NTRK1: variants seen among roughly 807,000 people sequenced by gnomAD.
The protein encoded by NTRK1 is high affinity nerve growth factor receptor.
Under a neutral mutation model 86.8 loss-of-function variants are expected in NTRK1, and 62 were observed. That is an observed-to-expected ratio of 0.71 (90% CI 0.58 to 0.88). The LOEUF (loss-of-function observed/expected upper bound fraction) is 0.88, where lower values mean the gene tolerates loss of function less well. Among genes scored for constraint, NTRK1 ranks in the 40% least tolerant of loss-of-function variants. NTRK1 has a pLI of 0.00. For synonymous variants in NTRK1, 469 were observed against 456.6 expected, an observed-to-expected ratio of 1.03 and a Z score of -0.35; for missense variants, 967 against 1,078.4, an observed-to-expected ratio of 0.90 and a Z score of 1.45.
chr1:156,871,497 C>T, intron 6 of NTRK1, 126 bp from the exon 7 acceptor site: 1 of 1,015,478 alleles, frequency 9.8e-7, no homozygotes. Flanking sequence ...CCCCTCTCTC[C>T]CTTCTCTTCC....
In NTRK1 at chr1:156,874,912, G is replaced by T. The variant is rs1647803991; in HGVS notation, c.1258G>T (p.Val420Leu). 6.2e-7 allele frequency: 1 copy of T among 1,612,934 alleles called. No homozygotes were observed. Among genetic ancestry groups the T allele is most frequent in the Non-Finnish European group, 8.5e-7 (1 of 1,179,184 alleles). ...TACCCCTGTCCCCCACCAGGTCTCGGTGGCTGTGGGCCTGGCCGTCTTTGC... is the reference window on the plus strand; with the variant it reads ...TACCCCTGTCCCCCACCAGGTCTCGTTGGCTGTGGGCCTGGCCGTCTTTGC... ...KKDETPFGVS[V>L]AVGLAVFACL... Residue 420 changes from valine to leucine, a missense_variant, in exon 11 of 17, where the codon GTG becomes TTG. Val to Leu is a conservative substitution (Grantham distance 32). Around this residue, in one of 2 missense-constraint regions of NTRK1, gnomAD observed 637 missense variants for 776.5 expected, o/e 0.82. Coordinates refer to ENST00000524377, the MANE Select transcript of NTRK1 (RefSeq NM_002529.4).
chr1:156,848,897 T>C, intron 2 of NTRK1: 1 of 1,541,732 alleles, frequency 6.5e-7, no homozygotes, highest in Non-Finnish European at 8.8e-7. Context: ...CCGCCCCCGC[T>C]CCGGCCCCGC....
chr1:156,852,141 G>A, intron 2 of NTRK1: 1 of 1,612,560 alleles, frequency 6.2e-7, no homozygotes, highest in Non-Finnish European at 8.5e-7. Flanking sequence ...CATTCGGTGT[G>A]GCAGCACTCG....
At chr1:156,851,782 G>C (rs1558090127) in intron 2 of NTRK1, 21 of 1,608,826 alleles carry the variant, frequency 1.3e-5, no homozygotes, top group Non-Finnish European at 1.8e-5. Flanking sequence ...ACTTGTGGCA[G>C]AATATGCTAG....
chr1:156,874,846 C>A (rs1362939553), intron 10 of NTRK1, 60 bp from the exon 11 acceptor site: 4 of 1,347,142 alleles, frequency 3.0e-6, no homozygotes, highest in Non-Finnish European at 3.2e-6. Flanking sequence ...TGGCTTACTA[C>A]AGGAGGCTCT....
At chr1:156,831,761 G>C in intron 1 of NTRK1, among the ~76,000 whole-genome samples, 1 of 152,196 alleles carries the variant, frequency 6.6e-6, no homozygotes, top group African/African-American at 2.4e-5. Flanking sequence ...GTGAGGGTTA[G>C]GGCAGAAAGA....
intron 2 of NTRK1, chr1:156,844,658 C>G: frequency 6.2e-7 from 1 of 1,613,760 alleles, no homozygotes; most frequent in Non-Finnish European, 8.5e-7. Context: ...GCTGGGAAGG[C>G]GATGTAGGCA....
At chr1:156,846,472 C>G (rs754880068) in intron 2 of NTRK1, 1 of 1,473,350 alleles carries the variant, frequency 6.8e-7, no homozygotes, top group South Asian at 1.2e-5. Context: ...CCCCTGTTCT[C>G]ATGGATGCAG....
At chr1:156,844,953 T>C (rs924773369) in intron 2 of NTRK1, 6 of 1,558,872 alleles carry the variant, frequency 3.8e-6, no homozygotes, top group Non-Finnish European at 5.2e-6. Flanking sequence ...TTTGGGATTA[T>C]GGGAACTGAG....
In NTRK1 at chr1:156,874,892, C is replaced by T. The variant is rs1379388973; in HGVS notation, c.1252-14C>T. 35 of 1,594,004 alleles carry T rather than the reference C, an allele frequency of 2.2e-5. No individual in the cohort carries two copies. Among genetic ancestry groups the T allele is most frequent in the Non-Finnish European group, 2.9e-5 (34 of 1,162,170 alleles). ...GAGGAGCCCCTGGATCTAACTACCC[C>T]TGTCCCCCACCAGGTCTCGGTGGCT... On this transcript the variant is annotated splice_polypyrimidine_tract_variant and intron_variant, in intron 10 of 16. Coordinates refer to ENST00000524377, the MANE Select transcript of NTRK1 (RefSeq NM_002529.4).
intron 6 of NTRK1, among the ~76,000 whole-genome samples, chr1:156,869,036 C>A (rs1470070447): frequency 7.8e-6 from 1 of 127,594 alleles, no homozygotes; most frequent in African/African-American, 2.9e-5. Context: ...TCCTTCCTTC[C>A]TTCCTTCCTT....
At chr1:156,875,782 C>G in intron 12 of NTRK1, 116 bp downstream of exon 12, 2 of 1,436,384 alleles carry the variant, frequency 1.4e-6, no homozygotes, top group Non-Finnish European at 1.9e-6. Context: ...CCCACCCCTC[C>G]CCAGCCCTAT....
intron 13 of NTRK1, 90 bp from the exon 14 acceptor site, chr1:156,876,310 G>T (rs2102918513): frequency 6.2e-7 from 1 of 1,609,862 alleles, no homozygotes; most frequent in Non-Finnish European, 8.5e-7. Flanking sequence ...GGCTGACATG[G>T]CTGGATACCG....
chr1:156,842,980 A>G, intron 2 of NTRK1: 1 of 1,567,458 alleles, frequency 6.4e-7, no homozygotes, highest in Non-Finnish European at 8.8e-7. Flanking sequence ...TATGACCCTG[A>G]CAATGCCCTT....
chr1:156,843,454 T>C (rs1654876309), intron 2 of NTRK1: 1 of 1,614,126 alleles, frequency 6.2e-7, no homozygotes, highest in Admixed American at 1.7e-5. Flanking sequence ...TACTCTGGAT[T>C]CACAGAAGCA....
intron 3 of NTRK1, among the ~76,000 whole-genome samples, chr1:156,866,327 C>A (rs111274561): frequency 1.3e-5 from 2 of 152,190 alleles, no homozygotes; most frequent in African/African-American, 4.8e-5. Context: ...GGAGCCGGGC[C>A]CCTGCTGGGC....
intron 6 of NTRK1, 135 bp from the exon 7 acceptor site, chr1:156,871,488 C>A: frequency 3.4e-6 from 3 of 872,096 alleles, no homozygotes; most frequent in East Asian, 2.5e-5. Flanking sequence ...TCTCTCCCAC[C>A]CCTCTCTCCC....
At chr1:156,860,149 G>C (rs958088853), upstream of NTRK1, among the ~76,000 whole-genome samples, 4 of 152,244 alleles carry the variant, frequency 2.6e-5, no homozygotes, top group Non-Finnish European at 5.9e-5. Flanking sequence ...GGCTGGCCGG[G>C]GTCAGGGACT....
At chr1:156,874,227 C>A (rs2102908001) in intron 8 of NTRK1, 156 bp from the exon 9 acceptor site, 1 of 1,163,412 alleles carries the variant, frequency 8.6e-7, no homozygotes, top group South Asian at 1.2e-5. Context: ...GGGTCACATG[C>A]ATCTTCTTCC....
Sources: gnomAD v4.1 joint callset for allele counts (sites outside exome capture counted in the v4.1 genomes callset) on GRCh38, gnomAD v4.1.1 for gene constraint, gnomAD v4.1.1 regional missense constraint, MANE v1.5 for transcripts, NCBI Gene and HGNC (gene_info 2026-07-23, HGNC 2026-07-21) for gene names.